Variants in SRGAP2C observed in about 807,000 individuals in gnomAD.
SRGAP2C encodes SLIT-ROBO Rho GTPase activating protein 2C.
A neutral mutation model predicts 25.1 loss-of-function variants in SRGAP2C; 15 were observed. The ratio of observed to expected loss-of-function variants is 0.60; its 90% CI spans 0.40 to 0.92. The LOEUF (loss-of-function observed/expected upper bound fraction) is 0.92, where lower values mean the gene tolerates loss of function less well. Ranked by LOEUF, SRGAP2C falls within the 40% of genes least tolerant of loss-of-function variation. SRGAP2C has a pLI of 0.00. For missense variants in SRGAP2C, 144 were observed against 264.4 expected (o/e 0.54, Z 3.16); for synonymous variants, 44 against 96.6 (o/e 0.46, Z 3.19).
chr1:121,259,867 T>TTA, intron 2 of SRGAP2C, among the ~76,000 whole-genome samples: 1 of 131,694 alleles, frequency 7.6e-6, no homozygotes, highest in East Asian at 2.1e-4. Flanking sequence ...TTTTTTTTTT[T>TTA]AAAGAGACAA....
Position 121,390,745 on chromosome 1 carries a change from T to C in SRGAP2C, c.*2890T>C, listed in dbSNP as rs1202436717. ...TAACCCAACCTTCTCATTTGAAAAA[T>C]TAAAAAATAAATAGGCCAGATATGG... is the stretch of plus-strand genomic sequence containing the variant. On this transcript the variant is annotated 3_prime_UTR_variant, in exon 10 of 10. Coordinates refer to ENST00000367123, the MANE Select transcript of SRGAP2C (RefSeq NM_001329984.2). The C allele has an allele frequency of 6.8e-6, 1 of 146,624 alleles. No individual in the cohort carries two copies. The highest frequency in any genetic ancestry group is 1.5e-5 in the Non-Finnish European group (1 of 66,598). 9.1% of individuals were successfully genotyped at this position (146,624 alleles called of 1,614,324 possible).
At chr1:121,285,519 G>T (rs1657343017) in intron 3 of SRGAP2C, among the ~76,000 whole-genome samples, 1 of 146,064 alleles carries the variant, frequency 6.8e-6, no homozygotes, top group East Asian at 2.0e-4. Context: ...TTAATTAGAA[G>T]AAATAAATGA....
At position 121,390,768 on chromosome 1, in the gene SRGAP2C, T is replaced by C. The variant is rs1553357521; in HGVS notation, c.*2913T>C. On this transcript the variant is annotated 3_prime_UTR_variant, in exon 10 of 10. Transcript: ENST00000367123. Reference sequence around the variant, plus strand: ...AATTAAAAAATAAATAGGCCAGATATGGCGGCTCATGCCTGTAATCCCAGC... The same window carrying C: ...AATTAAAAAATAAATAGGCCAGATACGGCGGCTCATGCCTGTAATCCCAGC... 1 of 151,064 alleles carries C rather than the reference T, an allele frequency of 6.6e-6. No homozygotes were observed. The allele number at this position is 151,064 out of a possible 1,614,324, so 9.4% of individuals were successfully genotyped here. A position where few individuals can be genotyped will look rare whatever the true frequency, so the allele number is the denominator to read the frequency against.
intron 2 of SRGAP2C, among the ~76,000 whole-genome samples, chr1:121,222,187 T>G (rs1460394339): frequency 5.9e-5 from 9 of 152,190 alleles, no homozygotes; most frequent in African/African-American, 9.7e-5. Flanking sequence ...GAAATTAAGA[T>G]ATGTGCTCAT....
At chr1:121,219,178 A>G (rs1655471432) in intron 2 of SRGAP2C, among the ~76,000 whole-genome samples, 1 of 148,356 alleles carries the variant, frequency 6.7e-6, no homozygotes, top group South Asian at 2.1e-4. Flanking sequence ...CTGACCCTGA[A>G]GCAGCCAACC....
At chr1:121,250,717 CAA>C (rs1656339506) in intron 2 of SRGAP2C, among the ~76,000 whole-genome samples, 1 of 90,306 alleles carries the variant, frequency 1.1e-5, no homozygotes, top group Non-Finnish European at 2.2e-5. Flanking sequence ...AGGCATGAAA[CAA>C]GAGTGCATCC....
chr1:121,315,097 G>T (rs1658066898), intron 3 of SRGAP2C: 1 of 662,098 alleles, frequency 1.5e-6, no homozygotes, highest in African/African-American at 2.0e-5. Context: ...TGAGGCGAAG[G>T]TCTCTGGTGC....
At position 121,315,195 on chromosome 1, in the gene SRGAP2C, A is replaced by G. The variant is rs1553340484; in HGVS notation, c.261-9283A>G. 3.5e-5 allele frequency: 14 copies of G among 404,886 alleles called. No homozygotes were observed. The East Asian group carries it at 3.9e-4, about 11-fold the overall frequency. The allele number at this position is 404,886 out of a possible 1,614,324, so 25.1% of individuals were successfully genotyped here. A position where few individuals can be genotyped will look rare whatever the true frequency, so the allele number is the denominator to read the frequency against. ...AGGTCCTATGTTACCCAGGCTGGTCATTTACAGGCACAATCATTGTGCACT... is the reference window on the plus strand; with the variant it reads ...AGGTCCTATGTTACCCAGGCTGGTCGTTTACAGGCACAATCATTGTGCACT... On this transcript the variant is annotated intron_variant, in intron 3 of 9. Transcript: ENST00000367123.
At chr1:121,225,969 T>C (rs1398686015) in intron 2 of SRGAP2C, among the ~76,000 whole-genome samples, 2 of 150,174 alleles carry the variant, frequency 1.3e-5, no homozygotes, top group Admixed American at 1.3e-4. Flanking sequence ...CCTCCCAAAG[T>C]GCTGGGATTA....
intron 2 of SRGAP2C, among the ~76,000 whole-genome samples, chr1:121,267,358 C>T (rs1391509780): frequency 6.6e-6 from 1 of 150,994 alleles, no homozygotes; most frequent in Non-Finnish European, 1.5e-5. Context: ...TGCCTGGCTA[C>T]TTTTTGTATT....
At chr1:121,377,618 TA>T (rs1190939517) in intron 7 of SRGAP2C, among the ~76,000 whole-genome samples, 3 of 56,408 alleles carry the variant, frequency 5.3e-5, no homozygotes, top group African/African-American at 2.3e-4. Context: ...ACACATTCAT[TA>T]TTTTTTTTAA....
chr1:121,201,491 G>T (rs1246473244), intron 2 of SRGAP2C, among the ~76,000 whole-genome samples: 1 of 151,966 alleles, frequency 6.6e-6, no homozygotes, highest in Non-Finnish European at 1.5e-5. Context: ...TAATCATTAA[G>T]CAGAGACAGA....
chr1:121,188,421 G>T (rs1329557213), intron 2 of SRGAP2C, among the ~76,000 whole-genome samples: 1 of 150,440 alleles, frequency 6.6e-6, no homozygotes, highest in Non-Finnish European at 1.5e-5. Flanking sequence ...CATAGGAAGG[G>T]TTCCTGCCTG....
In SRGAP2C at chr1:121,355,485, C is replaced by CT. The variant is rs1308428489; in HGVS notation, c.424-9799dup. Among the ~76,000 whole-genome samples the CT allele has an allele frequency of 1.1e-4, 10 of 91,724 alleles. 2 individuals carry two copies. The highest frequency in any genetic ancestry group is 6.4e-4 in the South Asian group (2 of 3,102). 60.2% of individuals were successfully genotyped at this position (91,724 alleles called of 152,430 possible). A position where few individuals can be genotyped will look rare whatever the true frequency, so the allele number is the denominator to read the frequency against. ...GGTGCCCGCCACTACGCCCGGCTAA[C>CT]TTTTTTTTTGTATTTTTAGTAGAGA... On this transcript the variant is annotated intron_variant, in intron 4 of 9. Coordinates refer to ENST00000367123, the MANE Select transcript of SRGAP2C (RefSeq NM_001329984.2).
chr1:121,231,004 TGG>T (rs1655804470), intron 2 of SRGAP2C, among the ~76,000 whole-genome samples: 1 of 126,478 alleles, frequency 7.9e-6, no homozygotes, highest in Admixed American at 8.3e-5. Context: ...ACGGGCACAG[TGG>T]GGGGAACATC....
rs1329512925 is a variant in SRGAP2C at position 121,257,948 on chromosome 1, G to A, written c.68-26855G>A. Among the ~76,000 whole-genome samples, 3 of 115,406 alleles carry A rather than the reference G, an allele frequency of 2.6e-5. No individual in the cohort carries two copies. In the East Asian group the frequency reaches 8.0e-4, roughly 31 times the overall value. The allele number at this position is 115,406 out of a possible 152,430, so 75.7% of individuals were successfully genotyped here. A position where few individuals can be genotyped will look rare whatever the true frequency, so the allele number is the denominator to read the frequency against. ...CTCCCTTATATAAAACTTGGTTGTT[G>A]TTTTTGTGTGTGGGGTGGGGGGGTG... On this transcript the variant is annotated intron_variant, in intron 2 of 9. Coordinates refer to ENST00000367123, the MANE Select transcript of SRGAP2C (RefSeq NM_001329984.2).
At chr1:121,376,992 AG>A (rs1276288011) in intron 7 of SRGAP2C, among the ~76,000 whole-genome samples, 9 of 151,454 alleles carry the variant, frequency 5.9e-5, no homozygotes, top group Non-Finnish European at 1.0e-4. Context: ...AGGGGAAGGG[AG>A]GGGTTACTGC....
chr1:121,188,608 A>AG (rs1159668740), intron 2 of SRGAP2C, among the ~76,000 whole-genome samples: 42 of 130,804 alleles, frequency 3.2e-4, no homozygotes, highest in Non-Finnish European at 3.2e-4. Flanking sequence ...CAGAGTACAG[A>AG]GGGAGGGGCC....
At position 121,235,078 on chromosome 1, in the gene SRGAP2C, G is replaced by A. The variant is rs587630602; in HGVS notation, c.67+47565G>A. Among the ~76,000 whole-genome samples the A allele has an allele frequency of 1.6e-3, 228 of 142,032 alleles. 2 individuals are homozygous for A. Among genetic ancestry groups the A allele is most frequent in the African/African-American group, 6.0e-3 (218 of 36,404 alleles). The allele number at this position is 142,032 out of a possible 152,430, so 93.2% of individuals were successfully genotyped here. ...GCTCCGTCCCCCAGGCTGGAGTGCA[G>A]TGGCTAGATCTCGGCTCGCTGCAAG... is the stretch of plus-strand genomic sequence containing the variant. On this transcript the variant is annotated intron_variant, in intron 2 of 9. Transcript: ENST00000367123.
Sources: gnomAD v4.1 joint callset for allele counts (sites outside exome capture counted in the v4.1 genomes callset) on GRCh38, gnomAD v4.1.1 for gene constraint, MANE v1.5 for transcripts, NCBI Gene and HGNC (gene_info 2026-07-23, HGNC 2026-07-21) for gene names.